Variants in LIMCH1 observed in about 807,000 individuals in gnomAD.
LIMCH1 encodes LIM and calponin homology domains-containing protein 1.
A neutral mutation model predicts 176.5 loss-of-function variants in LIMCH1; 113 were observed. That is an observed-to-expected ratio of 0.64 (90% CI 0.55 to 0.75). The LOEUF (loss-of-function observed/expected upper bound fraction) is 0.75, where lower values mean the gene tolerates loss of function less well. Ranked by LOEUF, LIMCH1 falls within the 30% of genes least tolerant of loss-of-function variation. The pLI, the probability that LIMCH1 is intolerant of heterozygous loss-of-function variation, is 0.00. For synonymous variants in LIMCH1, 619 were observed against 645.9 expected (o/e 0.96, Z 0.63); for missense variants, 1,674 against 1,814.9 (o/e 0.92, Z 1.41).
At chr4:41,665,156 C>G (rs2094779313) in intron 20 of LIMCH1, among the ~76,000 whole-genome samples, 1 of 152,200 alleles carries the variant, frequency 6.6e-6, no homozygotes, top group Admixed American at 6.5e-5. Context: ...ATTGCAACAG[C>G]TTTTATTTCC....
chr4:41,446,311 T>C (rs2063284896), intron 1 of LIMCH1, among the ~76,000 whole-genome samples: 1 of 152,164 alleles, frequency 6.6e-6, no homozygotes, highest in Non-Finnish European at 1.5e-5. Context: ...CCTAGTCCTG[T>C]TGCAGTTTTG....
chr4:41,699,992 A>G lies in LIMCH1; in HGVS notation c.*2807A>G, dbSNP rs1732475019. ...AAATAAAAACAACAAGTTGTCTAAAATGCAACAGCTTTTATAGTAAATGTA... is the reference window on the plus strand; with the variant it reads ...AAATAAAAACAACAAGTTGTCTAAAGTGCAACAGCTTTTATAGTAAATGTA... On this transcript the variant is annotated 3_prime_UTR_variant, in exon 32 of 32. Transcript: ENST00000503057. 6.6e-6 allele frequency: 1 copy of G among 152,222 alleles called. No individual in the cohort carries two copies. The highest frequency in any genetic ancestry group is 6.5e-5 in the Admixed American group (1 of 15,278). 9.4% of individuals were successfully genotyped at this position (152,222 alleles called of 1,614,324 possible). A position where few individuals can be genotyped will look rare whatever the true frequency, so the allele number is the denominator to read the frequency against.
chr4:41,674,995 A>C (rs1041239295), intron 22 of LIMCH1, among the ~76,000 whole-genome samples: 2 of 152,178 alleles, frequency 1.3e-5, no homozygotes, highest in Non-Finnish European at 2.9e-5. Flanking sequence ...TGTGAAACTC[A>C]GGAGTGGCAA....
At chr4:41,416,673 A>G (rs961267835) in intron 1 of LIMCH1, among the ~76,000 whole-genome samples, 7 of 152,102 alleles carry the variant, frequency 4.6e-5, no homozygotes, top group African/African-American at 1.2e-4. Flanking sequence ...CAAAAAAAAA[A>G]AAAAGAAAAT....
chr4:41,655,267 A>G (rs2094431896), intron 18 of LIMCH1, among the ~76,000 whole-genome samples: 2 of 152,216 alleles, frequency 1.3e-5, no homozygotes, highest in East Asian at 1.9e-4. Flanking sequence ...CTCAATTTAT[A>G]TTTAAAAAGA....
chr4:41,551,360 T>A (rs2080391002), intron 1 of LIMCH1: 1 of 152,206 alleles, frequency 6.6e-6, no homozygotes, highest in African/African-American at 2.4e-5. Context: ...ATTCTTAAAA[T>A]TTTCCAAAGG....
intron 1 of LIMCH1, among the ~76,000 whole-genome samples, chr4:41,589,265 G>A (rs749053676): frequency 5.9e-5 from 9 of 152,172 alleles, no homozygotes; most frequent in Non-Finnish European, 1.3e-4. Flanking sequence ...TGTTGTTCTA[G>A]GTGATATCTA....
chr4:41,445,239 C>A (rs954369951), intron 1 of LIMCH1, among the ~76,000 whole-genome samples: 2 of 152,182 alleles, frequency 1.3e-5, no homozygotes, highest in African/African-American at 4.8e-5. Flanking sequence ...CTCCTGACCT[C>A]GTGATCCACC....
At chr4:41,591,230 T>A (rs892637255) in intron 1 of LIMCH1, among the ~76,000 whole-genome samples, 1 of 129,506 alleles carries the variant, frequency 7.7e-6, no homozygotes, top group Non-Finnish European at 1.5e-5. Flanking sequence ...TTTTTCTTTT[T>A]CTTTCTTTCT....
At chr4:41,407,702 C>T (rs1255489922) in intron 1 of LIMCH1, among the ~76,000 whole-genome samples, 9 of 152,196 alleles carry the variant, frequency 5.9e-5, no homozygotes, top group Non-Finnish European at 1.2e-4. Flanking sequence ...CAAACTTCTC[C>T]TATCCCATAG....
At chr4:41,520,113 C>T (rs188309672) in intron 2 of LIMCH1, among the ~76,000 whole-genome samples, 3 of 152,272 alleles carry the variant, frequency 2.0e-5, no homozygotes, top group Admixed American at 1.3e-4. Context: ...AAATATAAAT[C>T]AGATTATCTC....
At chr4:41,648,371 G>A (rs1309356172) in intron 17 of LIMCH1, among the ~76,000 whole-genome samples, 1 of 152,152 alleles carries the variant, frequency 6.6e-6, no homozygotes, top group Non-Finnish European at 1.5e-5. Context: ...CTTCACCATG[G>A]CGGCAAAGTG....
chr4:41,532,850 C>T (rs2077475535), intron 3 of LIMCH1, among the ~76,000 whole-genome samples: 1 of 152,184 alleles, frequency 6.6e-6, no homozygotes, highest in Admixed American at 6.5e-5. Context: ...TACCCCAGAA[C>T]TTAGTGGCTT....
rs80334659 is a variant in LIMCH1, at chr4:41,376,517, C to T, written c.96+15581C>T. On this transcript the variant is annotated intron_variant, in intron 1 of 26. Coordinates refer to the LIMCH1 transcript ENST00000313860. ...GCTTTGTGGCTTTTACTGTAATAATCTTTCTGTGATCTGTAGACCAATAAT... is the reference window on the plus strand; with the variant it reads ...GCTTTGTGGCTTTTACTGTAATAATTTTTCTGTGATCTGTAGACCAATAAT... Among the ~76,000 whole-genome samples, 697 of 152,192 alleles carry T rather than the reference C, an allele frequency of 4.6e-3. 10 individuals carry two copies. The highest frequency in any genetic ancestry group is 0.016 in the African/African-American group (660 of 41,532).
intron 1 of LIMCH1, among the ~76,000 whole-genome samples, chr4:41,363,483 G>A (rs572659132): frequency 6.6e-6 from 1 of 152,188 alleles, no homozygotes; most frequent in African/African-American, 2.4e-5. Flanking sequence ...TGTTCCCTTG[G>A]GTGGAGCAAG....
At chr4:41,670,974 G>A in intron 21 of LIMCH1, 2 of 982,524 alleles carry the variant, frequency 2.0e-6, no homozygotes, top group South Asian at 9.4e-5. Flanking sequence ...GGGGTAGGAG[G>A]AGAGGAATCA....
chr4:41,652,517 G>A (rs2094337677), intron 18 of LIMCH1, among the ~76,000 whole-genome samples: 1 of 152,148 alleles, frequency 6.6e-6, no homozygotes, highest in African/African-American at 2.4e-5. Flanking sequence ...AGAATATTGA[G>A]TTCTGCTAGC....
intron 4 of LIMCH1, chr4:41,613,250 T>C: frequency 1.1e-6 from 1 of 874,550 alleles, no homozygotes; most frequent in Non-Finnish European, 1.8e-6. Flanking sequence ...AAAAAAAACG[T>C]TGTGCATGAT....
At chr4:41,524,567 T>A in intron 3 of LIMCH1, 1 of 930,730 alleles carries the variant, frequency 1.1e-6, no homozygotes, top group Non-Finnish European at 1.8e-6. Context: ...AGTTCTCTCC[T>A]GCAATATATA....
Sources: gnomAD v4.1 joint callset for allele counts (sites outside exome capture counted in the v4.1 genomes callset) on GRCh38, gnomAD v4.1.1 for gene constraint, MANE v1.5 for transcripts, NCBI Gene and HGNC (gene_info 2026-07-23, HGNC 2026-07-21) for gene names.